Variants in UGCG observed in about 807,000 individuals in gnomAD.
UGCG encodes the protein UDP-glucose ceramide glucosyltransferase.
Under a neutral mutation model 49.5 loss-of-function variants are expected in UGCG, and 10 were observed. That is an observed-to-expected ratio of 0.20 (90% CI 0.12 to 0.34). UGCG has a LOEUF of 0.34. Ranked by LOEUF, UGCG falls within the 10% of genes least tolerant of loss-of-function variation. UGCG has a pLI of 1.00. For missense variants in UGCG, 312 were observed against 483.7 expected (o/e 0.65, Z 3.33); for synonymous variants, 182 against 158.2 (o/e 1.15, Z -1.13).
At chr9:111,905,411 T>A (rs540789974) in intron 1 of UGCG, among the ~76,000 whole-genome samples, 1 of 152,050 alleles carries the variant, frequency 6.6e-6, no homozygotes, top group Non-Finnish European at 1.5e-5. Context: ...ATCCTGGCTG[T>A]CTTTCTGCTT....
At position 111,932,816 on chromosome 9, in the gene UGCG, TCCA is replaced by T; in HGVS notation, c.1015-10_1015-8del. 6.5e-7 allele frequency: 1 copy of T among 1,543,170 alleles called. No individual in the cohort carries two copies. On this transcript the variant is annotated splice_polypyrimidine_tract_variant and splice_region_variant and intron_variant, in intron 8 of 8. Transcript: ENST00000374279. ...TGAGTGAAATTAAAAAATTTTTTTT[TCCA>T]TTCCTAGGGTGGCACACTGTGTTTT...
chr9:111,920,298 T>G (rs1205076459), intron 2 of UGCG, among the ~76,000 whole-genome samples: 1 of 152,242 alleles, frequency 6.6e-6, no homozygotes, highest in African/African-American at 2.4e-5. Flanking sequence ...ACAAAAAATC[T>G]TATTAGCTAA....
At chr9:111,913,523 C>G (rs549141587) in intron 1 of UGCG, among the ~76,000 whole-genome samples, 3 of 152,064 alleles carry the variant, frequency 2.0e-5, no homozygotes, top group Non-Finnish European at 2.9e-5. Flanking sequence ...AACCTCCACC[C>G]CCGGGTTCAA....
intron 2 of UGCG, among the ~76,000 whole-genome samples, chr9:111,920,868 G>A (rs538314952): frequency 2.0e-5 from 3 of 151,840 alleles, no homozygotes; most frequent in East Asian, 1.9e-4. Flanking sequence ...CCTCCCTTCT[G>A]TGCTTAAAAA....
At chr9:111,931,225 A>G (rs745973153) in intron 6 of UGCG, 46 bp from the exon 7 acceptor site, 6 of 1,570,578 alleles carry the variant, frequency 3.8e-6, no homozygotes, top group South Asian at 3.4e-5. Context: ...TTACGCTTGC[A>G]TGTGTTCATC....
intron 1 of UGCG, among the ~76,000 whole-genome samples, chr9:111,908,843 C>T (rs560866724): frequency 1.3e-5 from 2 of 152,308 alleles, no homozygotes; most frequent in South Asian, 4.1e-4. Context: ...ACTTGTAAGA[C>T]CCTGTCCGAG....
intron 1 of UGCG, among the ~76,000 whole-genome samples, chr9:111,911,280 G>GT (rs919563925): frequency 6.6e-5 from 10 of 151,968 alleles, no homozygotes; most frequent in African/African-American, 2.2e-4. Flanking sequence ...CACTGAAGAG[G>GT]TTTTTTTCTC....
intron 2 of UGCG, among the ~76,000 whole-genome samples, chr9:111,919,235 C>G (rs1300207123): frequency 2.0e-5 from 3 of 152,200 alleles, no homozygotes; most frequent in Admixed American, 1.3e-4. Flanking sequence ...CATAGTGGCT[C>G]ATGCCTGTAA....
chr9:111,921,554 G>A (rs1235133404), intron 2 of UGCG, among the ~76,000 whole-genome samples: 1 of 151,790 alleles, frequency 6.6e-6, no homozygotes, highest in Non-Finnish European at 1.5e-5. Flanking sequence ...GGGAGGCTGA[G>A]GCAGGCGAAT....
At chr9:111,922,781 A>G (rs564353334) in intron 2 of UGCG, 68 bp from the exon 3 acceptor site, 3 of 1,131,812 alleles carry the variant, frequency 2.7e-6, no homozygotes, top group African/African-American at 3.2e-5. Flanking sequence ...TTTTTGTTCA[A>G]TCAATACATG....
chr9:111,909,213 C>G (rs1837950445), intron 1 of UGCG, among the ~76,000 whole-genome samples: 1 of 152,112 alleles, frequency 6.6e-6, no homozygotes, highest in Non-Finnish European at 1.5e-5. Flanking sequence ...AGCCACTGCA[C>G]CAGCCCACAA....
chr9:111,927,130 C>T (rs1483152322), intron 5 of UGCG, among the ~76,000 whole-genome samples: 2 of 151,950 alleles, frequency 1.3e-5, no homozygotes, highest in Non-Finnish European at 2.9e-5. Context: ...CTCAGCCTCC[C>T]AAAGTGCTGG....
chr9:111,917,936 C>T (rs953024339), intron 2 of UGCG, among the ~76,000 whole-genome samples: 28 of 152,224 alleles, frequency 1.8e-4, no homozygotes, highest in Admixed American at 9.8e-4. Context: ...GGCTTTACTT[C>T]AGTAAATTCT....
In UGCG at chr9:111,935,292, A is replaced by G. The variant is rs1288699704; in HGVS notation, c.*2295A>G. On this transcript the variant is annotated 3_prime_UTR_variant, in exon 9 of 9. Transcript: ENST00000374279. ...TCTTTAAAAAAAACCAGTGTCTAGAATATATACCATGTTTTATTATTTAAA... is the reference window on the plus strand; with the variant it reads ...TCTTTAAAAAAAACCAGTGTCTAGAGTATATACCATGTTTTATTATTTAAA... 6.6e-6 allele frequency: 1 copy of G among 152,196 alleles called. No individual in the cohort carries two copies. The highest frequency in any genetic ancestry group is 6.5e-5 in the Admixed American group (1 of 15,278). The allele number at this position is 152,196 out of a possible 1,614,324, so 9.4% of individuals were successfully genotyped here.
At chr9:111,914,541 T>A (rs1838075943) in intron 1 of UGCG, 64 bp from the exon 2 acceptor site, 1 of 1,483,330 alleles carries the variant, frequency 6.7e-7, no homozygotes, top group Non-Finnish European at 9.2e-7. Flanking sequence ...TGATAGCTTG[T>A]CAGTGCTTTG....
intron 2 of UGCG, among the ~76,000 whole-genome samples, chr9:111,921,028 A>G (rs1364804567): frequency 1.3e-5 from 2 of 151,476 alleles, no homozygotes; most frequent in South Asian, 2.1e-4. Flanking sequence ...TCAGCCTCCC[A>G]AGTAGCTGGG....
At chr9:111,912,718 TTG>T (rs1838035890) in intron 1 of UGCG, among the ~76,000 whole-genome samples, 1 of 152,366 alleles carries the variant, frequency 6.6e-6, no homozygotes, top group Admixed American at 6.5e-5. Context: ...TTTCACTCAA[TTG>T]TTTCTCACTT....
chr9:111,905,473 G>A (rs1331513397), intron 1 of UGCG, among the ~76,000 whole-genome samples: 2 of 127,502 alleles, frequency 1.6e-5, no homozygotes, highest in Non-Finnish European at 3.5e-5. Context: ...TTTTTTTTTT[G>A]AGAGGGAGTT....
intron 3 of UGCG, 77 bp downstream of exon 3, chr9:111,923,028 T>C: frequency 1.1e-6 from 1 of 922,442 alleles, no homozygotes; most frequent in Non-Finnish European, 1.6e-6. Flanking sequence ...GAACTGAAGA[T>C]TAAGGTGTTA....
Sources: allele counts gnomAD v4.1 joint callset (sites outside exome capture counted in the v4.1 genomes callset), GRCh38; gene constraint gnomAD v4.1.1; transcripts MANE v1.5; gene names NCBI Gene and HGNC (gene_info 2026-07-23, HGNC 2026-07-21).